Variants in ETV1 observed in about 807,000 individuals in gnomAD.
ETV1 encodes the protein ETS translocation variant 1.
In ETV1, 27 loss-of-function variants were observed where a neutral mutation model predicts 62.3. That is an observed-to-expected ratio of 0.43 (90% CI 0.32 to 0.60). The LOEUF (loss-of-function observed/expected upper bound fraction) is 0.60, where lower values mean the gene tolerates loss of function less well. Among genes scored for constraint, ETV1 ranks in the 20% least tolerant of loss-of-function variants. ETV1 has a pLI of 0.06. For synonymous variants in ETV1, 222 were observed against 199.6 expected (o/e 1.11, Z -0.94); for missense variants, 605 against 605.8 (o/e 1.00, Z 0.01).
intron 9 of ETV1, among the ~76,000 whole-genome samples, chr7:13,919,685 G>A (rs73274823): frequency 2.2e-3 from 328 of 151,500 alleles, no homozygotes; most frequent in African/African-American, 5.0e-3. Flanking sequence ...AGTTGAAAAT[G>A]TTTTATGAAA....
At chr7:13,911,373 A>G (rs1294277096) in intron 9 of ETV1, 66 bp from the exon 10 acceptor site, 1 of 1,076,398 alleles carries the variant, frequency 9.3e-7, no homozygotes, top group East Asian at 2.4e-5. Flanking sequence ...ATCAATGGAC[A>G]GGGTGCAGAC....
chr7:13,930,017 T>C, intron 9 of ETV1, among the ~76,000 whole-genome samples: 1 of 152,072 alleles, frequency 6.6e-6, no homozygotes, highest in East Asian at 1.9e-4. Flanking sequence ...GACGCAATAC[T>C]CCCTTCATAA....
chr7:13,988,607 AAAGAGAAAATG>A, intron 3 of ETV1: 1 of 1,257,522 alleles, frequency 8.0e-7, no homozygotes, highest in South Asian at 1.9e-5. Flanking sequence ...AAAAAAAAAA[AAAGAGAAAATG>A]AGAAAAAAAA....
At chr7:13,922,936 A>G (rs1352315407) in intron 9 of ETV1, among the ~76,000 whole-genome samples, 2 of 152,220 alleles carry the variant, frequency 1.3e-5, no homozygotes, top group Non-Finnish European at 2.9e-5. Flanking sequence ...TCATCTTGTA[A>G]GTAAATAGCA....
chr7:13,947,331 T>C (rs1417300173), intron 6 of ETV1, among the ~76,000 whole-genome samples: 1 of 151,044 alleles, frequency 6.6e-6, no homozygotes, highest in African/African-American at 2.4e-5. Context: ...AACAAACTGG[T>C]TGAGTTTGGA....
chr7:13,956,454 G>T (rs1043007739), intron 6 of ETV1, among the ~76,000 whole-genome samples: 5 of 151,978 alleles, frequency 3.3e-5, no homozygotes, highest in African/African-American at 1.2e-4. Flanking sequence ...TTGTCTGATG[G>T]GAACCAAGAT....
At chr7:13,968,660 G>A (rs1307592240) in intron 6 of ETV1, among the ~76,000 whole-genome samples, 3 of 151,822 alleles carry the variant, frequency 2.0e-5, no homozygotes, top group Non-Finnish European at 4.4e-5. Flanking sequence ...ATTCCCCCAT[G>A]AATTACGTTT....
chr7:13,913,047 T>C (rs1783715221), intron 9 of ETV1, among the ~76,000 whole-genome samples: 1 of 152,198 alleles, frequency 6.6e-6, no homozygotes. Flanking sequence ...TAATAAAAAA[T>C]CCAACCAATG....
intron 9 of ETV1, among the ~76,000 whole-genome samples, chr7:13,920,594 G>T (rs1228995006): frequency 6.6e-6 from 1 of 152,124 alleles, no homozygotes; most frequent in African/African-American, 2.4e-5. Flanking sequence ...GGTATGATTG[G>T]TTTAAGACAG....
At chr7:13,896,166 G>A (rs1033725133) in intron 13 of ETV1, 79 bp from the exon 14 acceptor site, 55 of 1,236,516 alleles carry the variant, frequency 4.4e-5, no homozygotes, top group East Asian at 2.8e-4. Context: ...AGCCAAAAAC[G>A]TGGTTTAATA....
In ETV1 at chr7:13,894,353, G is replaced by A. The variant is rs1781593533; in HGVS notation, c.*1513C>T. 8.6e-6 allele frequency: 2 copies of A among 231,710 alleles called. No homozygotes were observed. Among genetic ancestry groups the A allele is most frequent in the Non-Finnish European group, 1.7e-5 (2 of 117,036 alleles). The allele number at this position is 231,710 out of a possible 1,614,324, so 14.4% of individuals were successfully genotyped here. The stretch of plus-strand genomic sequence containing the variant: ...CCTGCTTTCAATATTTTCTCCAAAT[G>A]CAAAGCAAAAACAGAACAAAAAACT... On this transcript the variant is annotated 3_prime_UTR_variant, in exon 14 of 14. Transcript: ENST00000430479.
intron 6 of ETV1, among the ~76,000 whole-genome samples, chr7:13,970,305 CACACACACACACACACACACAA>C (rs1780765163): frequency 1.2e-5 from 1 of 81,822 alleles, no homozygotes; most frequent in Non-Finnish European, 2.8e-5. Context: ...CACACACACA[CACACACACACACACACACACAA>C]AGCAGCAACT....
chr7:13,901,463 T>G (rs921388141), intron 12 of ETV1, among the ~76,000 whole-genome samples: 1 of 152,222 alleles, frequency 6.6e-6, no homozygotes, highest in Non-Finnish European at 1.5e-5. Flanking sequence ...GGCACGTTTT[T>G]CATTCTGAGA....
intron 9 of ETV1, among the ~76,000 whole-genome samples, chr7:13,915,029 T>C (rs1325821007): frequency 6.6e-6 from 1 of 152,228 alleles, no homozygotes; most frequent in Non-Finnish European, 1.5e-5. Flanking sequence ...TTGGTTAAAT[T>C]CTTCTACCAA....
At chr7:13,937,652 A>G (rs1786963001) in intron 7 of ETV1, among the ~76,000 whole-genome samples, 2 of 152,236 alleles carry the variant, frequency 1.3e-5, no homozygotes, top group African/African-American at 4.8e-5. Flanking sequence ...CAATATGTTA[A>G]ATAATTATGC....
chr7:13,911,380 A>G lies in ETV1; in HGVS notation c.803-73T>C. On this transcript the variant is annotated intron_variant, in intron 9 of 13. Coordinates refer to ENST00000430479, the MANE Select transcript of ETV1 (RefSeq NM_004956.5). ...CTGCGGTTATCAATGGACAGGGTGC[A>G]GACAGAGAAGATACAGAAACGGACA... The G allele has an allele frequency of 3.1e-6, 3 of 976,996 alleles. No individual in the cohort carries two copies. The South Asian group carries it at 4.1e-5, about 13-fold the overall frequency. The allele number at this position is 976,996 out of a possible 1,614,324, so 60.5% of individuals were successfully genotyped here.
At position 13,957,125 on chromosome 7, in the gene ETV1, G is replaced by A. The variant is rs534441042; in HGVS notation, c.236-17879C>T. 1.8e-4 allele frequency among the ~76,000 whole-genome samples: 27 copies of A among 151,212 alleles called. 1 individual carries two copies. The South Asian group carries it at 4.4e-3, about 25-fold the overall frequency. ...TTTTGAGAAGGAGTCTCGCTCTGTC[G>A]CCCAGGCTGGAGTGCAGTGGCGCGA... On this transcript the variant is annotated intron_variant, in intron 6 of 13. Coordinates refer to ENST00000430479, the MANE Select transcript of ETV1 (RefSeq NM_004956.5).
chr7:13,924,880 T>C (rs1173194843), intron 9 of ETV1, among the ~76,000 whole-genome samples: 1 of 152,184 alleles, frequency 6.6e-6, no homozygotes, highest in Non-Finnish European at 1.5e-5. Flanking sequence ...CTATGAAACA[T>C]TTATTTGTGT....
At chr7:13,970,312 ACACACACACACAC>A (rs1780767414) in intron 6 of ETV1, among the ~76,000 whole-genome samples, 1 of 127,496 alleles carries the variant, frequency 7.8e-6, no homozygotes, top group Non-Finnish European at 1.8e-5. Flanking sequence ...ACACACACAC[ACACACACACACAC>A]AAAGCAGCAA....
Sources: gnomAD v4.1 joint callset for allele counts (sites outside exome capture counted in the v4.1 genomes callset) on GRCh38, gnomAD v4.1.1 for gene constraint, MANE v1.5 for transcripts, NCBI Gene and HGNC (gene_info 2026-07-23, HGNC 2026-07-21) for gene names.